The following RORA variants were observed in gnomAD, a reference collection of about 807,000 sequenced individuals.
RORA encodes the protein nuclear receptor ROR-alpha.
In RORA, 7 loss-of-function variants were observed where a neutral mutation model predicts 69.5. That is an observed-to-expected ratio of 0.10 (90% CI 0.06 to 0.19). The LOEUF (loss-of-function observed/expected upper bound fraction) is 0.19. Among genes scored for constraint, RORA ranks in the 10% least tolerant of loss-of-function variants. The pLI is 1.00. For missense variants in RORA, 457 were observed against 663.0 expected (o/e 0.69, Z 3.41); for synonymous variants, 261 against 240.8 (o/e 1.08, Z -0.78).
intron 1 of RORA, among the ~76,000 whole-genome samples, chr15:60,755,637 C>A (rs1423783092): frequency 6.6e-6 from 1 of 152,102 alleles, no homozygotes; most frequent in African/African-American, 2.4e-5. Flanking sequence ...CACATCCTCT[C>A]CAGCAGAGAG....
At chr15:60,839,188 G>A (rs976601226) in intron 1 of RORA, among the ~76,000 whole-genome samples, 17 of 152,046 alleles carry the variant, frequency 1.1e-4, no homozygotes, top group Non-Finnish European at 2.5e-4. Context: ...GTGAGCCACC[G>A]CGCCTGGCCT....
intron 1 of RORA, among the ~76,000 whole-genome samples, chr15:60,825,840 G>A (rs1170163019): frequency 6.6e-6 from 1 of 152,198 alleles, no homozygotes; most frequent in Non-Finnish European, 1.5e-5. Context: ...TTATTGGGCA[G>A]AACAAGCAGC....
intron 1 of RORA, among the ~76,000 whole-genome samples, chr15:60,889,781 CA>C (rs1374067972): frequency 6.6e-6 from 1 of 152,194 alleles, no homozygotes; most frequent in Non-Finnish European, 1.5e-5. Context: ...TGCCCATTAG[CA>C]GAGTTAAATT....
chr15:60,514,582 G>A (rs368207532), intron 4 of RORA, 34 bp downstream of exon 4: 128 of 1,609,074 alleles, frequency 8.0e-5, no homozygotes, highest in Non-Finnish European at 9.9e-5. Flanking sequence ...TCACAACCCC[G>A]TGCAACTGTA....
intron 1 of RORA, among the ~76,000 whole-genome samples, chr15:60,829,828 C>T (rs1595748779): frequency 1.3e-5 from 2 of 152,210 alleles, no homozygotes; most frequent in South Asian, 4.1e-4. Context: ...TGAACACATA[C>T]TTTATTCACA....
At chr15:60,882,545 G>C (rs1301802973) in intron 1 of RORA, among the ~76,000 whole-genome samples, 1 of 152,082 alleles carries the variant, frequency 6.6e-6, no homozygotes, top group Non-Finnish European at 1.5e-5. Context: ...AGGTGGTAGA[G>C]CTACATGCGG....
At chr15:60,739,855 T>A (rs341415) in intron 1 of RORA, among the ~76,000 whole-genome samples, 119,996 of 152,122 alleles carry the variant, frequency 0.79, 48,238 homozygotes, top group Non-Finnish European at 0.87. Flanking sequence ...CATGGAGGCC[T>A]TGTACTTCTC....
At chr15:60,882,976 C>T (rs1039097501) in intron 1 of RORA, among the ~76,000 whole-genome samples, 1 of 151,380 alleles carries the variant, frequency 6.6e-6, no homozygotes, top group Non-Finnish European at 1.5e-5. Context: ...ACTAAAAATA[C>T]AAAAATTAGC....
rs886363686 is a variant in RORA at position 60,916,230 on chromosome 15, C to T, written c.167-237544G>A. On this transcript the variant is annotated intron_variant, in intron 1 of 10. Coordinates refer to ENST00000335670, the MANE Select transcript of RORA (RefSeq NM_134261.3). ...AGATCTAGCTAGATATTCAGATTCCCTCCAATGCGTCTGTGTTGTGTAATC... is the reference window on the plus strand; with the variant it reads ...AGATCTAGCTAGATATTCAGATTCCTTCCAATGCGTCTGTGTTGTGTAATC... 3.3e-5 allele frequency among the ~76,000 whole-genome samples: 5 copies of T among 152,326 alleles called. No homozygotes were observed. The South Asian group carries it at 8.3e-4, about 25-fold the overall frequency.
At chr15:61,165,694 G>A (rs1187994725) in intron 1 of RORA, among the ~76,000 whole-genome samples, 1 of 152,140 alleles carries the variant, frequency 6.6e-6, no homozygotes, top group Non-Finnish European at 1.5e-5. Context: ...GGGAAAGGAG[G>A]GGTTCACAGA....
chr15:61,189,045 G>C (rs969547966), intron 1 of RORA, among the ~76,000 whole-genome samples: 1 of 152,080 alleles, frequency 6.6e-6, no homozygotes. Context: ...ACACAGCACT[G>C]GGGAAAGAAA....
rs149519261 is a variant in RORA at position 61,112,395 on chromosome 15, G to A, written c.166+116658C>T. On this transcript the variant is annotated intron_variant, in intron 1 of 10. Coordinates refer to ENST00000335670, the MANE Select transcript of RORA (RefSeq NM_134261.3). Reference sequence around the variant, plus strand: ...AAAGAGGGAGAGTAGGAGAGTGTGCGCGTTTCCAGCCTGGGAAAGGGAAGC... The same window carrying A: ...AAAGAGGGAGAGTAGGAGAGTGTGCACGTTTCCAGCCTGGGAAAGGGAAGC... Among the ~76,000 whole-genome samples the A allele has an allele frequency of 6.2e-3, 940 of 152,198 alleles. 8 individuals carry two copies. Among genetic ancestry groups the A allele is most frequent in the Non-Finnish European group, 9.5e-3 (646 of 68,022 alleles).
intron 1 of RORA, among the ~76,000 whole-genome samples, chr15:61,048,478 G>A (rs1897142415): frequency 1.3e-5 from 2 of 152,216 alleles, no homozygotes; most frequent in Admixed American, 1.3e-4. Flanking sequence ...CGGCAGAGAG[G>A]ACAAGACTCC....
At chr15:60,923,106 C>T (rs1364878967) in intron 1 of RORA, among the ~76,000 whole-genome samples, 1 of 152,206 alleles carries the variant, frequency 6.6e-6, no homozygotes, top group Non-Finnish European at 1.5e-5. Context: ...GCTCTTTCAG[C>T]ACTGCCCAAA....
intron 1 of RORA, among the ~76,000 whole-genome samples, chr15:60,851,180 C>G (rs146433566): frequency 6.6e-6 from 1 of 152,162 alleles, no homozygotes; most frequent in East Asian, 1.9e-4. Context: ...ATAGAAAAAC[C>G]CTCCATAATC....
At position 60,502,785 on chromosome 15, in the gene RORA, G is replaced by C; in HGVS notation, c.1158C>G (p.Ala386=). ...NNTVYFDGKY[A]SPDVFKSLGC... The stretch of plus-strand genomic sequence containing the variant: ...CTAAGGATTTGAAGACGTCGGGGCT[G>C]GCATACTTCCCATCAAAGTACACGG... The change falls in exon 8 of 11, where the codon GCC becomes GCG. Residue 386 remains alanine (A), a synonymous_variant. Transcript: ENST00000335670. The C allele has an allele frequency of 1.2e-6, 2 of 1,613,150 alleles. No homozygotes were observed. Among genetic ancestry groups the C allele is most frequent in the South Asian group, 1.1e-5 (1 of 91,052 alleles).
In RORA at chr15:61,116,843, A is replaced by G. The variant is rs142461024; in HGVS notation, c.166+112210T>C. Among the ~76,000 whole-genome samples the G allele has an allele frequency of 2.0e-3, 305 of 152,280 alleles. 3 individuals carry two copies. Among genetic ancestry groups the G allele is most frequent in the Non-Finnish European group, 2.8e-3 (190 of 68,026 alleles). On this transcript the variant is annotated intron_variant, in intron 1 of 10. Transcript: ENST00000335670. Reference sequence around the variant, plus strand: ...ACTAAATGGCTCCTAGGTCCCTGCTAGCGCTAACTTCTCGTGTGATCAGTG... The same window carrying G: ...ACTAAATGGCTCCTAGGTCCCTGCTGGCGCTAACTTCTCGTGTGATCAGTG...
intron 1 of RORA, among the ~76,000 whole-genome samples, chr15:60,735,768 C>T (rs868187284): frequency 2.9e-4 from 44 of 152,226 alleles, no homozygotes; most frequent in Middle Eastern, 6.8e-3. Flanking sequence ...ACAAGCAAAG[C>T]AGCACAATGG....
chr15:61,074,406 C>T (rs1047393707), intron 1 of RORA, among the ~76,000 whole-genome samples: 1 of 152,170 alleles, frequency 6.6e-6, no homozygotes, highest in African/African-American at 2.4e-5. Flanking sequence ...CCCGCAGTAG[C>T]CAACAATCCA....
Sources: allele counts gnomAD v4.1 joint callset (sites outside exome capture counted in the v4.1 genomes callset), GRCh38; gene constraint gnomAD v4.1.1; transcripts MANE v1.5; gene names NCBI Gene and HGNC (gene_info 2026-07-23, HGNC 2026-07-21).